The following RTKN variants were observed in gnomAD, a reference collection of about 807,000 sequenced individuals.
RTKN encodes rhotekin.
In RTKN, 49 loss-of-function variants were observed where a neutral mutation model predicts 63.5. The ratio of observed to expected loss-of-function variants is 0.77; its 90% CI spans 0.61 to 0.98. RTKN has a LOEUF of 0.98. Ranked by LOEUF, RTKN falls within the 50% of genes least tolerant of loss-of-function variation. The probability of loss-of-function intolerance (pLI) is 0.00; values close to 1 mark genes in which losing one functional copy is unlikely to be tolerated. For missense variants in RTKN, 685 were observed against 740.8 expected (o/e 0.92, Z 0.87); for synonymous variants, 295 against 290.4 (o/e 1.02, Z -0.16).
chr2:74,428,343 T>C lies in RTKN; in HGVS notation c.1011A>G (p.Thr337=), dbSNP rs762623032. 1 of 1,614,044 alleles carries C rather than the reference T, an allele frequency of 6.2e-7. No individual in the cohort carries two copies. The highest frequency in any genetic ancestry group is 1.3e-5 in the African/African-American group (1 of 74,900). Residue 337 remains threonine (T), a synonymous_variant, in exon 9 of 12, where the codon ACA becomes ACG. Transcript: ENST00000272430. Reference sequence around the variant, plus strand: ...CAGGTTGCCGGTAACAGAAGAGGTTTGTGCCTTTCAGAACTCCATGCACTT... The same window carrying C: ...CAGGTTGCCGGTAACAGAAGAGGTTCGTGCCTTTCAGAACTCCATGCACTT... The part of the protein sequence containing the change: ...WAQVHGVLKG[T]NLFCYRQPED...
At chr2:74,439,563 T>G in intron 1 of RTKN, 1 of 1,614,092 alleles carries the variant, frequency 6.2e-7, no homozygotes, top group Non-Finnish European at 8.5e-7. Flanking sequence ...CCAGGCTGAG[T>G]GCCATCTGCC....
chr2:74,426,040 G>A lies in RTKN; in HGVS notation c.*203C>T, dbSNP rs1380178423. On this transcript the variant is annotated 3_prime_UTR_variant, in exon 12 of 12. Coordinates refer to ENST00000272430, the MANE Select transcript of RTKN (RefSeq NM_001015055.2). ...AGGAAGGGTTTAGGGAGGTCCCAGCGAGCCCCAGGAATGAGTCCCTCGGTA... is the reference window on the plus strand; with the variant it reads ...AGGAAGGGTTTAGGGAGGTCCCAGCAAGCCCCAGGAATGAGTCCCTCGGTA... The A allele has an allele frequency of 1.4e-5, 9 of 653,906 alleles. No homozygotes were observed. Among genetic ancestry groups the A allele is most frequent in the Admixed American group, 2.9e-5 (1 of 34,624 alleles). 40.5% of individuals were successfully genotyped at this position (653,906 alleles called of 1,614,324 possible).
intron 5 of RTKN, 92 bp from the exon 6 acceptor site, chr2:74,430,129 C>G (rs750955080): frequency 1.3e-6 from 2 of 1,515,866 alleles, no homozygotes; most frequent in African/African-American, 2.7e-5. Context: ...GACAGCTCCA[C>G]AGAGAAGGCC....
chr2:74,426,565 G>A lies in RTKN; in HGVS notation c.1370C>T (p.Pro457Leu), dbSNP rs566063898. The change falls in exon 12 of 12, where the codon CCG becomes CTG. Residue 457 changes from proline to leucine, a missense_variant. Physicochemically the swap from Pro to Leu is moderately conservative, Grantham distance 98. Coordinates refer to ENST00000272430, the MANE Select transcript of RTKN (RefSeq NM_001015055.2). ...GSLYHEMAIE[P>L]LDDIAAVTDI... ...TGTCACCGCTGCGATGTCATCCAGC[G>A]GCTCAATAGCTGTGGCACCAGGAAG... 1.1e-5 allele frequency: 17 copies of A among 1,529,714 alleles called. No homozygotes were observed. The Admixed American group carries it at 1.2e-4, about 11-fold the overall frequency. The allele number at this position is 1,529,714 out of a possible 1,614,324, so 94.8% of individuals were successfully genotyped here. A position where few individuals can be genotyped will look rare whatever the true frequency, so the allele number is the denominator to read the frequency against.
In RTKN at chr2:74,427,405, C is replaced by G. The variant is rs766561295; in HGVS notation, c.1255+19G>C. The G allele has an allele frequency of 1.5e-5, 25 of 1,613,508 alleles. No homozygotes were observed. Among genetic ancestry groups the G allele is most frequent in the Non-Finnish European group, 2.1e-5 (25 of 1,179,804 alleles). On this transcript the variant is annotated intron_variant, in intron 10 of 11. Coordinates refer to ENST00000272430, the MANE Select transcript of RTKN (RefSeq NM_001015055.2). ...TCCAGTTCTTCCCAAAGGTTCAACC[C>G]AGCCCCCTTCTCTCTTACTCATGTC...
At chr2:74,440,006 G>T (rs1212747552) in intron 1 of RTKN, 4 of 1,064,972 alleles carry the variant, frequency 3.8e-6, no homozygotes, top group Non-Finnish European at 4.6e-6. Flanking sequence ...CTTTCATTCC[G>T]ACTCTGGCCG....
chr2:74,430,623 G>A lies in RTKN; in HGVS notation c.366C>T (p.Cys122=). Residue 122 remains cysteine, a synonymous_variant, in exon 3 of 12, where the codon TGC becomes TGT. Transcript: ENST00000272430. ...AERSPCRGRV[C]ISDLRIPLMW... is the part of the protein sequence containing the mutation. Reference sequence around the variant, plus strand: ...GGTAGCTGTGCTTCTTACCAGAGATGCAGACCCGGCCGCGGCAGGGGGAGC... The same window carrying A: ...GGTAGCTGTGCTTCTTACCAGAGATACAGACCCGGCCGCGGCAGGGGGAGC... The A allele has an allele frequency of 1.2e-6, 2 of 1,614,038 alleles. No homozygotes were observed. Among genetic ancestry groups the A allele is most frequent in the Non-Finnish European group, 1.7e-6 (2 of 1,180,000 alleles).
Position 74,428,732 on chromosome 2 carries a change from T to C in RTKN, c.856A>G (p.Asn286Asp). ...CCATAAAGGGGCAGCCAGGCAGGGT[T>C]CTCCTCTGGGGGAGGAGGAAGTGCA... ...HDLTLASHEE[N>D]PAWLPLYGSV... is the part of the protein sequence containing the mutation. The change falls in exon 8 of 12, where the codon AAC (asparagine) becomes GAC (aspartate). Residue 286 changes from asparagine (N) to aspartate (D), a missense_variant. Coordinates refer to ENST00000272430, the MANE Select transcript of RTKN (RefSeq NM_001015055.2). 1.2e-6 allele frequency: 2 copies of C among 1,613,596 alleles called. No homozygotes were observed. The highest frequency in any genetic ancestry group is 1.7e-6 in the Non-Finnish European group (2 of 1,179,706).
At position 74,429,820 on chromosome 2, in the gene RTKN, G is replaced by T. The variant is rs1670632186; in HGVS notation, c.755+8C>A. 6.2e-7 allele frequency: 1 copy of T among 1,611,886 alleles called. No individual in the cohort carries two copies. Among genetic ancestry groups the T allele is most frequent in the African/African-American group, 1.3e-5 (1 of 75,014 alleles). ...AGCTGAGGGTGGTGTCGGTGTGCAA[G>T]GCCTTACCCAACAACTGGGGTGGGG... On this transcript the variant is annotated splice_region_variant and intron_variant, in intron 6 of 11. Coordinates refer to ENST00000272430, the MANE Select transcript of RTKN (RefSeq NM_001015055.2).
chr2:74,426,445 G>T lies in RTKN; in HGVS notation c.1490C>A (p.Ser497Ter). 6.2e-7 allele frequency: 1 copy of T among 1,612,430 alleles called. No homozygotes were observed. The highest frequency in any genetic ancestry group is 8.5e-7 in the Non-Finnish European group (1 of 1,179,310). Residue 497 changes from serine (S) to a stop codon, truncating the protein, a stop_gained, in exon 12 of 12, where the codon TCG becomes TAG. Coordinates refer to ENST00000272430, the MANE Select transcript of RTKN (RefSeq NM_001015055.2). LOFTEE classifies it high-confidence loss of function. Reference sequence around the variant, plus strand: ...TGGGGCTGGGGCCACTGAGGCAGGCGAGCAGGGGTTAGGCAGGGCAGGCTG... The same window carrying T: ...TGGGGCTGGGGCCACTGAGGCAGGCTAGCAGGGGTTAGGCAGGGCAGGCTG... ...TDQPALPNPC[S>*]PASVAPAPDW...
intron 1 of RTKN, chr2:74,439,868 AAAAG>A: frequency 7.4e-7 from 1 of 1,344,698 alleles, no homozygotes; most frequent in Non-Finnish European, 9.6e-7. Context: ...GCAGGGAAGA[AAAAG>A]AAAGCGAAGT....
At position 74,436,936 on chromosome 2, in the gene RTKN, G is replaced by C. The variant is rs766475881; in HGVS notation, c.112-4270C>G. 2.0e-5 allele frequency among the ~76,000 whole-genome samples: 3 copies of C among 152,172 alleles called. No homozygotes were observed. Among genetic ancestry groups the C allele is most frequent in the Admixed American group, 1.3e-4 (2 of 15,284 alleles). On this transcript the variant is annotated intron_variant, in intron 1 of 11. Transcript: ENST00000272430. This position sits in a 1 kb window ranked among gnomAD's most constrained non-coding sequence, Gnocchi z 4.3. ...GGCAGCATTTCCCCTGGGAAAGAGC[G>C]CAGAGCTGGGTGTCAGCTGGACCCG...
rs374992298 is a variant in RTKN at position 74,426,302 on chromosome 2, G to A, written c.1633C>T (p.Arg545Trp). The A allele has an allele frequency of 2.2e-5, 36 of 1,614,004 alleles. No homozygotes were observed. Among genetic ancestry groups the A allele is most frequent in the South Asian group, 5.5e-5 (5 of 91,084 alleles). ...CCTTTGCTGCAGAGGCCTCTGGTCC[G>A]TGGGGATCGCTGAGGTGGGAGGGGG... Reference protein sequence around the residue: ...VAPLPPQRSPRTRGLCSKGQP... With the variant: ...VAPLPPQRSPWTRGLCSKGQP... Residue 545 changes from arginine (R) to tryptophan (W), a missense_variant, in exon 12 of 12, where the codon CGG becomes TGG. Coordinates refer to ENST00000272430, the MANE Select transcript of RTKN (RefSeq NM_001015055.2).
rs753449464 is a variant in RTKN at position 74,428,740 on chromosome 2, G to C, written c.851-3C>G. 1.2e-6 allele frequency: 2 copies of C among 1,612,390 alleles called. No individual in the cohort carries two copies. Among genetic ancestry groups the C allele is most frequent in the Non-Finnish European group, 1.7e-6 (2 of 1,178,724 alleles). On this transcript the variant is annotated splice_polypyrimidine_tract_variant and splice_region_variant and intron_variant, in intron 7 of 11. Coordinates refer to ENST00000272430, the MANE Select transcript of RTKN (RefSeq NM_001015055.2). ...GGGCAGCCAGGCAGGGTTCTCCTCT[G>C]GGGGAGGAGGAAGTGCAGGGTGAGG...
intron 5 of RTKN, 74 bp downstream of exon 5, chr2:74,430,178 C>T: frequency 1.3e-6 from 2 of 1,539,544 alleles, no homozygotes; most frequent in Non-Finnish European, 1.8e-6. Flanking sequence ...ATCCCAGCTT[C>T]CTCCCCTGGA....
At position 74,426,096 on chromosome 2, in the gene RTKN, T is replaced by C. The variant is rs1047924055; in HGVS notation, c.*147A>G. 2.7e-5 allele frequency: 21 copies of C among 766,342 alleles called. No homozygotes were observed. The African/African-American group carries it at 3.1e-4, about 11-fold the overall frequency. 47.5% of individuals were successfully genotyped at this position (766,342 alleles called of 1,614,324 possible). ...GCAACCACAATTTAAGAGGGGCTTC[T>C]GCCCACCCCTGCAGCCTACCCCAGG... On this transcript the variant is annotated 3_prime_UTR_variant, in exon 12 of 12. Coordinates refer to ENST00000272430, the MANE Select transcript of RTKN (RefSeq NM_001015055.2).
chr2:74,431,216 C>T (rs916651251), intron 2 of RTKN, among the ~76,000 whole-genome samples: 2 of 152,088 alleles, frequency 1.3e-5, no homozygotes, highest in Non-Finnish European at 2.9e-5. Context: ...CCATTCACTA[C>T]AGACCCTTTT....
rs1352030774 is a variant in RTKN, at chr2:74,436,114, G to A, written c.112-3448C>T. ...TCAGCCACAAACATCCCAAATGGGT[G>A]AGCCTGGCAGGAGGGGGACACGGAG... On this transcript the variant is annotated intron_variant, in intron 1 of 11. Transcript: ENST00000272430. This position sits in a 1 kb window ranked among gnomAD's most constrained non-coding sequence, Gnocchi z 4.3. Among the ~76,000 whole-genome samples the A allele has an allele frequency of 2.0e-5, 3 of 152,238 alleles. No individual in the cohort carries two copies. Among genetic ancestry groups the A allele is most frequent in the Non-Finnish European group, 4.4e-5 (3 of 68,046 alleles).
At position 74,428,953 on chromosome 2, in the gene RTKN, T is replaced by C. The variant is rs374155351; in HGVS notation, c.756-11A>G. ...TGGTAACGAGGACCACTGAGGGAGATAGGAGAGAGCATCAGCCAAGGGAGG... is the reference window on the plus strand; with the variant it reads ...TGGTAACGAGGACCACTGAGGGAGACAGGAGAGAGCATCAGCCAAGGGAGG... On this transcript the variant is annotated splice_polypyrimidine_tract_variant and intron_variant, in intron 6 of 11. Coordinates refer to ENST00000272430, the MANE Select transcript of RTKN (RefSeq NM_001015055.2). 1.3e-4 allele frequency: 203 copies of C among 1,609,468 alleles called. 2 individuals carry two copies. Among genetic ancestry groups the C allele is most frequent in the Admixed American group, 6.2e-4 (37 of 59,950 alleles).
Sources: gnomAD v4.1 joint callset for allele counts (sites outside exome capture counted in the v4.1 genomes callset) on GRCh38, gnomAD v4.1.1 for gene constraint, Gnocchi (gnomAD v3.1) non-coding constraint, MANE v1.5 for transcripts, NCBI Gene and HGNC (gene_info 2026-07-23, HGNC 2026-07-21) for gene names.